Variants in RTL4 observed in about 807,000 individuals in gnomAD.
RTL4 encodes retrotransposon Gag-like protein 4.
Under a neutral mutation model 5.3 loss-of-function variants are expected in RTL4, and 4 were observed. The observed-to-expected ratio is 0.75, with a 90% confidence interval of 0.37 to 1.72. The LOEUF is 1.72. Among genes scored for constraint, RTL4 ranks in the 40% most tolerant of loss-of-function variants. The probability of loss-of-function intolerance (pLI) is 0.04; values close to 1 mark genes in which losing one functional copy is unlikely to be tolerated. For missense variants in RTL4, 260 were observed against 227.1 expected, an observed-to-expected ratio of 1.14 and a Z score of -0.93; for synonymous variants, 98 against 87.3, an observed-to-expected ratio of 1.12 and a Z score of -0.68.
the RTL4 span, among the ~76,000 whole-genome samples, chrX:112,352,912 A>C: frequency 2.7e-5 from 3 of 111,913 alleles, no homozygotes; most frequent in Non-Finnish European, 5.6e-5. Context: ...AAATGGGAGA[A>C]AATTTTCGCA....
At chrX:112,125,438 C>T in the RTL4 span, among the ~76,000 whole-genome samples, 2 of 111,803 alleles carry the variant, frequency 1.8e-5, no homozygotes, top group South Asian at 3.7e-4. Flanking sequence ...CCCACAAAAC[C>T]GCAGCACCAA....
chrX:112,379,626 G>A, the RTL4 span, among the ~76,000 whole-genome samples: 1 of 111,669 alleles, frequency 9.0e-6, no homozygotes, highest in Admixed American at 9.5e-5. Flanking sequence ...TTTCACCACT[G>A]AATATGATGT....
the RTL4 span, among the ~76,000 whole-genome samples, chrX:112,335,887 G>A: frequency 5.5e-5 from 6 of 109,453 alleles, no homozygotes; most frequent in African/African-American, 2.0e-4. Flanking sequence ...CTGTCCACCA[G>A]GCTGGAGTGC....
chrX:112,083,904 G>A, the RTL4 span, among the ~76,000 whole-genome samples: 1 of 110,735 alleles, frequency 9.0e-6, no homozygotes, highest in Admixed American at 9.6e-5. Context: ...TGGCCTGGCC[G>A]CACAGCCCCA....
At chrX:112,453,390 T>C (rs769960414), upstream of RTL4, among the ~76,000 whole-genome samples, 3 of 112,352 alleles carry the variant, frequency 2.7e-5, no homozygotes, top group East Asian at 8.4e-4. Flanking sequence ...TTTTAACTTT[T>C]ACTGGTTGCT....
At chrX:112,180,880 A>T in the RTL4 span, among the ~76,000 whole-genome samples, 1 of 112,346 alleles carries the variant, frequency 8.9e-6, no homozygotes, top group African/African-American at 3.2e-5. Context: ...TTTAATTAGG[A>T]TGGCTGGCAA....
At chrX:112,279,935 C>CTA in the RTL4 span, among the ~76,000 whole-genome samples, 12 of 110,982 alleles carry the variant, frequency 1.1e-4, no homozygotes, top group Middle Eastern at 4.7e-3. Context: ...ACTTGTGCAA[C>CTA]AAAGTTAAAG....
chrX:112,128,510 G>A, the RTL4 span, among the ~76,000 whole-genome samples: 1 of 109,370 alleles, frequency 9.1e-6, no homozygotes, highest in African/African-American at 3.3e-5. Context: ...AATACAAAAA[G>A]TAGCCAGGCG....
chrX:112,278,090 A>G, the RTL4 span, among the ~76,000 whole-genome samples: 3 of 112,188 alleles, frequency 2.7e-5, no homozygotes, highest in Non-Finnish European at 5.6e-5. Flanking sequence ...TGAAGATTTT[A>G]CCCAAGAGAA....
chrX:112,195,563 A>G, the RTL4 span, among the ~76,000 whole-genome samples: 64 of 111,167 alleles, frequency 5.8e-4, no homozygotes, highest in African/African-American at 2.1e-3. Flanking sequence ...TAAAAAATAG[A>G]CCCTCTAACT....
chrX:112,175,429 A>G, the RTL4 span, among the ~76,000 whole-genome samples: 1 of 109,446 alleles, frequency 9.1e-6, no homozygotes, highest in Admixed American at 9.9e-5. Flanking sequence ...GTTCTGTTCC[A>G]TTGATCTATA....
At chrX:112,344,820 A>G in the RTL4 span, among the ~76,000 whole-genome samples, 1 of 111,821 alleles carries the variant, frequency 8.9e-6, no homozygotes, top group Non-Finnish European at 1.9e-5. Flanking sequence ...TTTATAAAGG[A>G]AAGAGGCTCA....
chrX:112,368,507 C>A, the RTL4 span, among the ~76,000 whole-genome samples: 3 of 110,859 alleles, frequency 2.7e-5, no homozygotes, highest in Non-Finnish European at 5.7e-5. Flanking sequence ...GATTTTGACC[C>A]CCACCCCTAC....
chrX:112,262,024 C>T, the RTL4 span, among the ~76,000 whole-genome samples: 2 of 111,585 alleles, frequency 1.8e-5, no homozygotes, highest in African/African-American at 6.5e-5. Context: ...CTTCCTTACA[C>T]CTTATACAAA....
chrX:112,197,039 A>C, the RTL4 span, among the ~76,000 whole-genome samples: 4 of 108,008 alleles, frequency 3.7e-5, no homozygotes, highest in African/African-American at 1.3e-4. Flanking sequence ...AACTATTTAT[A>C]TGTTTGTATG....
chrX:112,455,767 A>C (rs1262968679), exon 1 of RTL4: 1 of 773,274 alleles, frequency 1.3e-6, no homozygotes, highest in African/African-American at 2.1e-5. Flanking sequence ...ACCACTTTAT[A>C]GGCAGTTATG....
the RTL4 span, among the ~76,000 whole-genome samples, chrX:112,330,924 T>G: frequency 9.0e-5 from 10 of 110,783 alleles, no homozygotes; most frequent in East Asian, 2.8e-4. Context: ...CCCTATTTAA[T>G]AAATGGTGCT....
chrX:112,101,928 A>T, the RTL4 span, among the ~76,000 whole-genome samples: 1 of 110,605 alleles, frequency 9.0e-6, no homozygotes, highest in Admixed American at 9.6e-5. Flanking sequence ...CCCCCAAAAG[A>T]TGGAAGAGGA....
chrX:112,279,058 G>T, the RTL4 span, among the ~76,000 whole-genome samples: 1 of 109,756 alleles, frequency 9.1e-6, no homozygotes, highest in Non-Finnish European at 1.9e-5. Flanking sequence ...AAATAAGAGA[G>T]AAAAACAATA....
Sources: gnomAD v4.1 joint callset for allele counts (sites outside exome capture counted in the v4.1 genomes callset) on GRCh38, gnomAD v4.1.1 for gene constraint, MANE v1.5 for transcripts, NCBI Gene and HGNC (gene_info 2026-07-23, HGNC 2026-07-21) for gene names.